Variants in ABCG1 observed in about 807,000 individuals in gnomAD.
The protein encoded by ABCG1 is ATP-binding cassette sub-family G member 1.
In ABCG1, 29 loss-of-function variants were observed where a neutral mutation model predicts 69.2. That is an observed-to-expected ratio of 0.42 (90% confidence interval 0.31 to 0.57). ABCG1 has a LOEUF of 0.57. ABCG1 is among the 20% of genes least tolerant of loss of function. The pLI, the probability that ABCG1 is intolerant of heterozygous loss-of-function variation, is 0.15. For missense variants in ABCG1, 718 were observed against 898.1 expected (o/e 0.80, Z 2.56); for synonymous variants, 370 against 374.8 (o/e 0.99, Z 0.15).
chr21:42,247,127 T>G (rs1158674090), intron 2 of ABCG1, among the ~76,000 whole-genome samples: 2 of 152,248 alleles, frequency 1.3e-5, no homozygotes, highest in African/African-American at 4.8e-5. Context: ...CTCTGAGTAA[T>G]TTTCAGGATA....
chr21:42,289,142 G>A lies in ABCG1; in HGVS notation c.1224+830G>A, dbSNP rs191967990. Among the ~76,000 whole-genome samples, 58 of 152,222 alleles carry A rather than the reference G, an allele frequency of 3.8e-4. 1 individual carries two copies. The highest frequency in any genetic ancestry group is 8.2e-4 in the African/African-American group (34 of 41,512). ...TTTTCTTCTATTTGCAATAGTCAGC[G>A]TTCACTGTAATGCTGCAGTAACAAA... On this transcript the variant is annotated intron_variant, in intron 10 of 14. Transcript: ENST00000398449.
At chr21:42,201,737 A>C in intron 2 of ABCG1, 1 of 1,613,808 alleles carries the variant, frequency 6.2e-7, no homozygotes, top group East Asian at 2.2e-5. Flanking sequence ...TGGTCAGAAG[A>C]GACAGGGAAG....
intron 10 of ABCG1, among the ~76,000 whole-genome samples, chr21:42,289,105 C>G (rs761443217): frequency 2.0e-5 from 3 of 152,214 alleles, no homozygotes; most frequent in Non-Finnish European, 4.4e-5. Flanking sequence ...TATCACTAAA[C>G]TTTCAAATTA....
rs960529198 is a variant in ABCG1, at chr21:42,273,147, C to T, written c.405-156C>T. Among the ~76,000 whole-genome samples the T allele has an allele frequency of 3.3e-4, 50 of 152,210 alleles. No homozygotes were observed. Among genetic ancestry groups the T allele is most frequent in the Admixed American group, 2.5e-3 (38 of 15,288 alleles). On this transcript the variant is annotated intron_variant, in intron 3 of 14. Transcript: ENST00000398449. This position sits in a 1 kb window ranked among gnomAD's most constrained non-coding sequence, Gnocchi z 5.3. The stretch of plus-strand genomic sequence containing the variant: ...CGATCGCTGCAGTGCTAGCGAGGTC[C>T]GGTCCCTTTCTGCCCCTCGGGGTCC...
chr21:42,222,637 G>A (rs557691683), intron 1 of ABCG1, among the ~76,000 whole-genome samples: 51 of 152,234 alleles, frequency 3.4e-4, no homozygotes, highest in South Asian at 1.2e-3. Context: ...CTGTGCTTCC[G>A]ATACCTCCTC....
chr21:42,249,094 A>G (rs1440306911), intron 2 of ABCG1, among the ~76,000 whole-genome samples: 1 of 152,202 alleles, frequency 6.6e-6, no homozygotes, highest in East Asian at 1.9e-4. Flanking sequence ...AAAAACTTCA[A>G]AACATTCAAA....
Position 42,261,589 on chromosome 21 carries a change from C to T in ABCG1, c.287-9481C>T, listed in dbSNP as rs115071190. On this transcript the variant is annotated intron_variant, in intron 2 of 14. Coordinates refer to ENST00000398449, the MANE Select transcript of ABCG1 (RefSeq NM_016818.3). ...CCCGAGCGAGAGTCCCTCTGTGTATCGGGGACTGCCCGCTTGTGAGGAGAC... is the reference window on the plus strand; with the variant it reads ...CCCGAGCGAGAGTCCCTCTGTGTATTGGGGACTGCCCGCTTGTGAGGAGAC... Among the ~76,000 whole-genome samples, 990 of 152,302 alleles carry T rather than the reference C, an allele frequency of 6.5e-3. 13 individuals are homozygous for T. The highest frequency in any genetic ancestry group is 0.022 in the African/African-American group (931 of 41,564).
At chr21:42,222,990 T>A (rs225412) in intron 1 of ABCG1, among the ~76,000 whole-genome samples, 1 of 152,110 alleles carries the variant, frequency 6.6e-6, no homozygotes, top group African/African-American at 2.4e-5. Context: ...GAGACTCTTC[T>A]GCAGTTCTGG....
chr21:42,219,222 C>CCCG lies in ABCG1; in HGVS notation c.-11_-9dup, dbSNP rs2234716. 2,440 of 1,472,956 alleles carry CCCG rather than the reference C, an allele frequency of 1.7e-3. 8 individuals carry two copies. Among genetic ancestry groups the CCCG allele is most frequent in the African/African-American group, 0.014 (923 of 68,224 alleles). The allele number at this position is 1,472,956 out of a possible 1,614,324, so 91.2% of individuals were successfully genotyped here. A position where few individuals can be genotyped will look rare whatever the true frequency, so the allele number is the denominator to read the frequency against. ...TCGGCCCCGCAGCTCAAGCCTCGTC[C>CCCG]CCGCCGCCGCCGCCGCCGCCGCCGC... is the stretch of plus-strand genomic sequence containing the variant. On this transcript the variant is annotated 5_prime_UTR_variant, in exon 1 of 15. Transcript: ENST00000398449. This position sits in a 1 kb window ranked among gnomAD's most constrained non-coding sequence, Gnocchi z 5.3.
intron 2 of ABCG1, among the ~76,000 whole-genome samples, chr21:42,263,587 C>T (rs148769430): frequency 2.2e-3 from 341 of 152,352 alleles, no homozygotes; most frequent in African/African-American, 7.4e-3. Flanking sequence ...AATGTAATTA[C>T]TCAGAAGTGA....
chr21:42,291,050 A>G lies in ABCG1; in HGVS notation c.1394-42A>G, dbSNP rs2146343537. ...TTGGGATGTTAAACGGGCTCGCTGC[A>G]CATGGTCACTGACCCTTCTTTTTTG... On this transcript the variant is annotated intron_variant, in intron 11 of 14. Transcript: ENST00000398449. The surrounding 1 kb of genome is among the most constrained non-coding windows in gnomAD (Gnocchi z 6.4). The G allele has an allele frequency of 6.7e-7, 1 of 1,495,810 alleles. No homozygotes were observed. The highest frequency in any genetic ancestry group is 1.1e-5 in the South Asian group (1 of 87,890). 92.7% of individuals were successfully genotyped at this position (1,495,810 alleles called of 1,614,324 possible).
At chr21:42,283,023 C>T (rs2068842145) in intron 6 of ABCG1, among the ~76,000 whole-genome samples, 1 of 152,232 alleles carries the variant, frequency 6.6e-6, no homozygotes, top group Non-Finnish European at 1.5e-5. Flanking sequence ...TCTGGTGCCC[C>T]CAGCCGCAGG....
At chr21:42,275,148 C>A (rs2068687903) in intron 4 of ABCG1, among the ~76,000 whole-genome samples, 1 of 152,148 alleles carries the variant, frequency 6.6e-6, no homozygotes, top group Non-Finnish European at 1.5e-5. Context: ...AAGGGCAGTG[C>A]CAAGGGGTTC....
intron 2 of ABCG1, among the ~76,000 whole-genome samples, chr21:42,206,477 T>C (rs935242964): frequency 1.3e-4 from 20 of 152,246 alleles, no homozygotes; most frequent in Non-Finnish European, 2.5e-4. Flanking sequence ...TCTAACTTGG[T>C]ATCTGTTTTA....
intron 14 of ABCG1, chr21:42,295,387 T>C (rs576022574): frequency 1.1e-4 from 9 of 85,410 alleles, no homozygotes; most frequent in Non-Finnish European, 2.1e-4. Flanking sequence ...AGGAAAGAAA[T>C]CTGGTGGGAA....
intron 2 of ABCG1, among the ~76,000 whole-genome samples, chr21:42,269,619 G>A (rs890703674): frequency 1.3e-5 from 2 of 152,188 alleles, no homozygotes; most frequent in African/African-American, 4.8e-5. Context: ...GTAATGAGTG[G>A]CAGTCCCAAG....
At chr21:42,216,898 C>T (rs1427252267), upstream of ABCG1, among the ~76,000 whole-genome samples, 3 of 152,220 alleles carry the variant, frequency 2.0e-5, no homozygotes, top group Non-Finnish European at 1.5e-5. Context: ...AAGTGCTTGC[C>T]ATGCCTTATT....
chr21:42,201,537 G>A (rs2067506254), intron 1 of ABCG1: 7 of 1,368,302 alleles, frequency 5.1e-6, no homozygotes, highest in Non-Finnish European at 7.0e-6. Flanking sequence ...GTTAATCTGA[G>A]TGAGCTTCAT....
intron 2 of ABCG1, among the ~76,000 whole-genome samples, chr21:42,269,490 T>G (rs895739086): frequency 2.0e-5 from 3 of 152,190 alleles, no homozygotes; most frequent in Non-Finnish European, 4.4e-5. Context: ...AGTCCTATTG[T>G]ACGAGCTGGT....
Sources: allele counts gnomAD v4.1 joint callset (sites outside exome capture counted in the v4.1 genomes callset), GRCh38; gene constraint gnomAD v4.1.1; non-coding constraint Gnocchi (gnomAD v3.1); transcripts MANE v1.5; gene names NCBI Gene and HGNC (gene_info 2026-07-23, HGNC 2026-07-21).